RPF2: variants seen among roughly 807,000 people sequenced by gnomAD.
RPF2 encodes ribosome production factor 2 homolog, also known as brix domain containing 1.
A neutral mutation model predicts 38.9 loss-of-function variants in RPF2; 21 were observed. That is an observed-to-expected ratio of 0.54 (90% CI 0.38 to 0.78). RPF2 has a LOEUF of 0.78. Among genes scored for constraint, RPF2 ranks in the 30% least tolerant of loss-of-function variants. The probability of loss-of-function intolerance (pLI) is 0.00; values close to 1 mark genes in which losing one functional copy is unlikely to be tolerated. For synonymous variants in RPF2, 121 were observed against 126.2 expected (o/e 0.96, Z 0.28); for missense variants, 314 against 358.1 (o/e 0.88, Z 0.99).
chr6:111,009,468 C>T lies in RPF2; in HGVS notation c.493+1331C>T, dbSNP rs143627304. Among the ~76,000 whole-genome samples the T allele has an allele frequency of 9.2e-5, 14 of 152,098 alleles. No individual in the cohort carries two copies. The East Asian group carries it at 1.9e-3, about 21-fold the overall frequency. On this transcript the variant is annotated intron_variant, in intron 7 of 9. Transcript: ENST00000441448. Reference sequence around the variant, plus strand: ...TTGGCCTCCCAAAATGCTGGGATTACAGGCATGAGCCACTGCGACAGGCCC... The same window carrying T: ...TTGGCCTCCCAAAATGCTGGGATTATAGGCATGAGCCACTGCGACAGGCCC...
chr6:110,985,138 G>A lies in RPF2; in HGVS notation c.156G>A (p.Val52=). ...NATVTKVLKD[V]YALKKPYGVL... The stretch of plus-strand genomic sequence containing the variant: ...CAGTGACAAAAGTACTTAAAGATGT[G>A]GTAAGTATATATACTTAATCTTTAA... Residue 52 remains valine (V), a splice_region_variant and synonymous_variant, in exon 2 of 10, where the codon GTG becomes GTA. Transcript: ENST00000441448. 6.2e-7 allele frequency: 1 copy of A among 1,611,406 alleles called. No individual in the cohort carries two copies. The highest frequency in any genetic ancestry group is 8.5e-7 in the Non-Finnish European group (1 of 1,178,022).
intron 8 of RPF2, among the ~76,000 whole-genome samples, chr6:111,019,917 C>CTTTTTTTTTT (rs763096502): frequency 6.7e-6 from 1 of 148,958 alleles, no homozygotes. Context: ...TCTTTTCTTT[C>CTTTTTTTTTT]TTTTGTTTTT....
At chr6:111,002,931 T>G (rs1351224611) in intron 6 of RPF2, among the ~76,000 whole-genome samples, 1 of 151,220 alleles carries the variant, frequency 6.6e-6, no homozygotes, top group Non-Finnish European at 1.5e-5. Flanking sequence ...CTCGGCTAAT[T>G]TTTGTATTTT....
intron 8 of RPF2, among the ~76,000 whole-genome samples, chr6:111,021,671 A>G (rs1772237196): frequency 6.6e-6 from 1 of 152,188 alleles, no homozygotes; most frequent in Non-Finnish European, 1.5e-5. Context: ...TAAGATTGAC[A>G]GTACTGCTTT....
At chr6:111,002,842 C>T (rs1458584724) in intron 6 of RPF2, among the ~76,000 whole-genome samples, 1 of 151,696 alleles carries the variant, frequency 6.6e-6, no homozygotes, top group South Asian at 2.1e-4. Flanking sequence ...GATCTCGGCT[C>T]ACTACAACCT....
chr6:111,001,577 T>A (rs1562370069), intron 6 of RPF2, among the ~76,000 whole-genome samples: 1 of 152,138 alleles, frequency 6.6e-6, no homozygotes, highest in South Asian at 2.1e-4. Context: ...TCTCACAGTG[T>A]TGCCCAGACT....
intron 4 of RPF2, among the ~76,000 whole-genome samples, chr6:110,994,910 A>G (rs1583262011): frequency 6.6e-6 from 1 of 151,852 alleles, no homozygotes; most frequent in Non-Finnish European, 1.5e-5. Context: ...AAATAAATAT[A>G]TATATTTTAA....
At chr6:111,015,656 A>G (rs1286957958) in intron 7 of RPF2, 98 bp from the exon 8 acceptor site, 4 of 784,742 alleles carry the variant, frequency 5.1e-6, no homozygotes, top group Non-Finnish European at 6.3e-6. Flanking sequence ...GCTTTTTTAG[A>G]TAAGTATTGG....
chr6:110,999,959 G>A (rs1256780380), intron 6 of RPF2, among the ~76,000 whole-genome samples, 172 bp downstream of exon 6: 2 of 152,152 alleles, frequency 1.3e-5, no homozygotes, highest in African/African-American at 2.4e-5. Context: ...TTAAAAAGAG[G>A]AATATATTTG....
At chr6:110,999,907 A>G in intron 6 of RPF2, 120 bp downstream of exon 6, 1 of 596,556 alleles carries the variant, frequency 1.7e-6, no homozygotes, top group Non-Finnish European at 3.0e-6. Context: ...TTTTATTTTG[A>G]CATGCTCCAG....
At chr6:111,012,731 G>A (rs1772041512) in intron 7 of RPF2, among the ~76,000 whole-genome samples, 1 of 152,102 alleles carries the variant, frequency 6.6e-6, no homozygotes, top group South Asian at 2.1e-4. Flanking sequence ...GTGCAATGGA[G>A]CAATCTTGGC....
intron 7 of RPF2, among the ~76,000 whole-genome samples, chr6:111,008,897 C>CATTTTTTTTTTT (rs1771962942): frequency 1.0e-5 from 1 of 97,806 alleles, no homozygotes; most frequent in African/African-American, 4.9e-5. Flanking sequence ...CTTCCTGGCT[C>CATTTTTTTTTTT]CTTTTTTTTT....
Position 111,020,466 on chromosome 6 carries a change from C to T in RPF2, c.597-3717C>T, listed in dbSNP as rs550560081. ...AAAACTCTTCTGTGTTGAACGGTTT[C>T]GCAGAAAGTATTCACTTGTATTTAG... On this transcript the variant is annotated intron_variant, in intron 8 of 9. Transcript: ENST00000441448. Among the ~76,000 whole-genome samples the T allele has an allele frequency of 3.5e-3, 528 of 152,246 alleles. 3 individuals carry two copies. The highest frequency in any genetic ancestry group is 5.1e-3 in the Non-Finnish European group (349 of 68,016).
intron 3 of RPF2, among the ~76,000 whole-genome samples, chr6:110,989,945 CT>C (rs201578164): frequency 8.8e-5 from 10 of 113,700 alleles, no homozygotes; most frequent in Admixed American, 9.1e-5. Context: ...TCTTTCTTTT[CT>C]TTTTTTTTTA....
intron 7 of RPF2, among the ~76,000 whole-genome samples, chr6:111,014,694 C>T (rs1006723321): frequency 4.6e-5 from 7 of 152,194 alleles, no homozygotes; most frequent in Admixed American, 2.6e-4. Context: ...TTCCATTTAG[C>T]CTCCTTGAGG....
intron 8 of RPF2, among the ~76,000 whole-genome samples, chr6:111,022,669 A>C (rs1772254875): frequency 6.6e-6 from 1 of 152,252 alleles, no homozygotes; most frequent in Non-Finnish European, 1.5e-5. Context: ...GAAACTATGT[A>C]CATCTATTAT....
chr6:110,996,918 C>T (rs949040695), intron 4 of RPF2, among the ~76,000 whole-genome samples: 2 of 152,184 alleles, frequency 1.3e-5, no homozygotes, highest in Admixed American at 1.3e-4. Context: ...TCTCGTGCCT[C>T]AGCCACTAAG....
intron 7 of RPF2, among the ~76,000 whole-genome samples, chr6:111,011,524 GTGATCT>G (rs1429959551): frequency 3.9e-5 from 6 of 152,078 alleles, no homozygotes; most frequent in Admixed American, 6.6e-5. Flanking sequence ...CTGACCTCAA[GTGATCT>G]GCCTGCCCTG....
chr6:111,001,257 CA>C (rs1280125109), intron 6 of RPF2, among the ~76,000 whole-genome samples: 1 of 152,104 alleles, frequency 6.6e-6, no homozygotes, highest in Non-Finnish European at 1.5e-5. Flanking sequence ...ATAACAACAT[CA>C]AATGAGATAA....
Sources: allele counts gnomAD v4.1 joint callset (sites outside exome capture counted in the v4.1 genomes callset), GRCh38; gene constraint gnomAD v4.1.1; transcripts MANE v1.5; gene names NCBI Gene and HGNC (gene_info 2026-07-23, HGNC 2026-07-21).